Variants in WWC2 observed in about 807,000 individuals in gnomAD.
WWC2 encodes protein WWC2.
In WWC2, 101 loss-of-function variants were observed where a neutral mutation model predicts 138.5. The observed-to-expected ratio is 0.73, with a 90% CI of 0.62 to 0.86. The LOEUF (loss-of-function observed/expected upper bound fraction) is 0.86. Among genes scored for constraint, WWC2 ranks in the 40% least tolerant of loss-of-function variants. The pLI, the probability that WWC2 is intolerant of heterozygous loss-of-function variation, is 0.00. For missense variants in WWC2, 1,420 were observed against 1,419.4 expected (o/e 1.00, Z -0.01); for synonymous variants, 558 against 538.4 (o/e 1.04, Z -0.50).
chr4:183,233,067 A>G (rs75805973), intron 4 of WWC2, among the ~76,000 whole-genome samples: 1,450 of 127,444 alleles, frequency 0.011, 63 homozygotes, highest in Admixed American at 0.082. Context: ...ATAGGTTTCT[A>G]TTTCTCTTGG....
rs550072699 is a variant in WWC2 at position 183,131,848 on chromosome 4, A to G, written c.131+32226A>G. On this transcript the variant is annotated intron_variant, in intron 1 of 22. Coordinates refer to ENST00000403733, the MANE Select transcript of WWC2 (RefSeq NM_024949.6). ...AATCACTAGGATTTGATTTTTGAGT[A>G]TGGGTTATAGGATGAGACCAATTTC... Among the ~76,000 whole-genome samples the G allele has an allele frequency of 2.0e-5, 3 of 152,250 alleles. No individual in the cohort carries two copies. In the East Asian group the frequency reaches 5.8e-4, roughly 29 times the overall value.
Position 183,099,528 on chromosome 4 carries a change from C to A in WWC2, c.37C>A (p.Pro13Thr). The change falls in exon 1 of 23, where the codon CCC becomes ACC. Residue 13 changes from proline (P) to threonine (T), a missense_variant. Transcript: ENST00000403733. ...GGCCGGGAGCGGTCAGCTGCCGCTGCCCCGGGGCTGGGAGGAGGCCAGGGA... is the reference window on the plus strand; with the variant it reads ...GGCCGGGAGCGGTCAGCTGCCGCTGACCCGGGGCTGGGAGGAGGCCAGGGA... ...RRAGSGQLPL[P>T]RGWEEARDYD... 7.1e-7 allele frequency: 1 copy of A among 1,400,394 alleles called. No homozygotes were observed. The allele number at this position is 1,400,394 out of a possible 1,614,324, so 86.7% of individuals were successfully genotyped here.
At chr4:183,115,154 T>A (rs561361181) in intron 1 of WWC2, among the ~76,000 whole-genome samples, 27 of 152,318 alleles carry the variant, frequency 1.8e-4, no homozygotes, top group South Asian at 2.1e-4. Context: ...GTTAATTTGC[T>A]TAGGATAATG....
At chr4:183,286,681 T>G (rs1738264921) in intron 20 of WWC2, among the ~76,000 whole-genome samples, 1 of 152,178 alleles carries the variant, frequency 6.6e-6, no homozygotes, top group Non-Finnish European at 1.5e-5. Flanking sequence ...AGGAAAATAT[T>G]TGTTTACTGT....
intron 1 of WWC2, among the ~76,000 whole-genome samples, chr4:183,145,504 C>A (rs1034679916): frequency 6.6e-6 from 1 of 152,138 alleles, no homozygotes. Flanking sequence ...ATCATAATTA[C>A]ATAGCAAGCT....
intron 20 of WWC2, among the ~76,000 whole-genome samples, chr4:183,288,803 A>G (rs1164137933): frequency 6.6e-6 from 1 of 152,246 alleles, no homozygotes; most frequent in African/African-American, 2.4e-5. Flanking sequence ...AACTCAGTTT[A>G]AGCATTCTGA....
At chr4:183,209,985 A>T (rs558899593) in intron 4 of WWC2, among the ~76,000 whole-genome samples, 2 of 152,266 alleles carry the variant, frequency 1.3e-5, no homozygotes, top group African/African-American at 4.8e-5. Context: ...ACTTCCTAAG[A>T]CTGGATACCG....
chr4:183,240,203 G>T lies in WWC2; in HGVS notation c.543G>T (p.Glu181Asp). Residue 181 changes from glutamate to aspartate, a missense_variant, in exon 5 of 23, where the codon GAG becomes GAT. By Grantham distance (45) the Glu-to-Asp change is conservative. Coordinates refer to ENST00000403733, the MANE Select transcript of WWC2 (RefSeq NM_024949.6). ...TAAAGGTTAAAAAGCTAAAGAGAGA[G>T]CTCTCACAGATGAAGCAGGAACTGC... ...TRLRVKKLKR[E>D]LSQMKQELLY... The T allele has an allele frequency of 6.4e-7, 1 of 1,551,076 alleles. No individual in the cohort carries two copies. The highest frequency in any genetic ancestry group is 8.7e-7 in the Non-Finnish European group (1 of 1,147,348).
chr4:183,113,536 ATG>A (rs1732317429), intron 1 of WWC2, among the ~76,000 whole-genome samples: 2 of 147,588 alleles, frequency 1.4e-5, no homozygotes, highest in Non-Finnish European at 3.0e-5. Context: ...GCGCGCGCAC[ATG>A]CACGTGCATG....
chr4:183,162,491 C>G (rs1018758329), intron 1 of WWC2, among the ~76,000 whole-genome samples: 27 of 152,164 alleles, frequency 1.8e-4, no homozygotes, highest in African/African-American at 6.3e-4. Context: ...CCATCACTTT[C>G]CTTCAGCAAA....
intron 1 of WWC2, among the ~76,000 whole-genome samples, chr4:183,122,480 A>C (rs1156619621): frequency 6.6e-6 from 1 of 152,228 alleles, no homozygotes; most frequent in Non-Finnish European, 1.5e-5. Context: ...GTTTGCATAT[A>C]ATCAGTAAAA....
intron 16 of WWC2, among the ~76,000 whole-genome samples, chr4:183,274,007 A>G (rs1737777311): frequency 6.6e-6 from 1 of 152,132 alleles, no homozygotes; most frequent in Non-Finnish European, 1.5e-5. Flanking sequence ...ACCTTGAATT[A>G]TCTTGGCACC....
chr4:183,264,395 A>G (rs1737427089), intron 11 of WWC2, among the ~76,000 whole-genome samples: 1 of 152,210 alleles, frequency 6.6e-6, no homozygotes, highest in Non-Finnish European at 1.5e-5. Context: ...AGTTCGAGAT[A>G]AAAGTTAAGT....
chr4:183,109,677 CCTCCTT>C (rs1303544587), intron 1 of WWC2, among the ~76,000 whole-genome samples: 1 of 152,184 alleles, frequency 6.6e-6, no homozygotes, highest in Non-Finnish European at 1.5e-5. Context: ...GCACCACACA[CCTCCTT>C]CTGTGCGGCC....
Position 183,303,180 on chromosome 4 carries a change from G to A in WWC2, c.3385-9161G>A, listed in dbSNP as rs551646190. Among the ~76,000 whole-genome samples, 5 of 152,000 alleles carry A rather than the reference G, an allele frequency of 3.3e-5. No homozygotes were observed. In the East Asian group the frequency reaches 9.7e-4, roughly 29 times the overall value. ...CCACTCCCCCTCATTAAATGGATAT[G>A]TATTATATAATGAAGTCTCCAACCA... On this transcript the variant is annotated intron_variant, in intron 21 of 22. Coordinates refer to ENST00000403733, the MANE Select transcript of WWC2 (RefSeq NM_024949.6).
chr4:183,196,211 T>C (rs1735137222), intron 2 of WWC2, among the ~76,000 whole-genome samples: 1 of 152,202 alleles, frequency 6.6e-6, no homozygotes, highest in Non-Finnish European at 1.5e-5. Context: ...TAAACCTCTT[T>C]TCTTCATAAA....
chr4:183,196,416 CCT>C (rs769116683), intron 2 of WWC2, among the ~76,000 whole-genome samples: 11 of 152,168 alleles, frequency 7.2e-5, no homozygotes, highest in Non-Finnish European at 1.6e-4. Context: ...CTTTCTTTTG[CCT>C]CTTTCTTCTT....
chr4:183,221,459 A>G (rs188375051), intron 4 of WWC2, among the ~76,000 whole-genome samples: 1 of 152,252 alleles, frequency 6.6e-6, no homozygotes, highest in African/African-American at 2.4e-5. Context: ...ATTTAAAAAC[A>G]GCAGAAGTGC....
In WWC2 at chr4:183,224,941, A is replaced by G. The variant is rs138957756; in HGVS notation, c.523-15242A>G. On this transcript the variant is annotated intron_variant, in intron 4 of 22. Coordinates refer to ENST00000403733, the MANE Select transcript of WWC2 (RefSeq NM_024949.6). ...CATGTTTTAGGTCATTGTAATTATT[A>G]TGCTTATTGATCCACAACTTTTCCT... Among the ~76,000 whole-genome samples the G allele has an allele frequency of 8.4e-3, 1,275 of 152,300 alleles. 30 individuals carry two copies. Among genetic ancestry groups the G allele is most frequent in the African/African-American group, 0.029 (1,202 of 41,560 alleles).
Sources: allele counts gnomAD v4.1 joint callset (sites outside exome capture counted in the v4.1 genomes callset), GRCh38; gene constraint gnomAD v4.1.1; transcripts MANE v1.5; gene names NCBI Gene and HGNC (gene_info 2026-07-23, HGNC 2026-07-21).